The following TYW1 variants were observed in gnomAD, a reference collection of about 807,000 sequenced individuals.
TYW1 encodes the protein S-adenosyl-L-methionine-dependent tRNA 4-demethylwyosine synthase TYW1.
Under a neutral mutation model 96.2 loss-of-function variants are expected in TYW1, and 46 were observed. That is an observed-to-expected ratio of 0.48 (90% CI 0.38 to 0.61). The LOEUF (loss-of-function observed/expected upper bound fraction) is 0.61, where lower values mean the gene tolerates loss of function less well. Ranked by LOEUF, TYW1 falls within the 20% of genes least tolerant of loss-of-function variation. The pLI, the probability that TYW1 is intolerant of heterozygous loss-of-function variation, is 0.00. For missense variants in TYW1, 684 were observed against 909.6 expected (o/e 0.75, Z 3.19); for synonymous variants, 274 against 323.0 (o/e 0.85, Z 1.63).
At chr7:67,172,914 G>C (rs910811866) in intron 13 of TYW1, among the ~76,000 whole-genome samples, 6 of 151,460 alleles carry the variant, frequency 4.0e-5, no homozygotes, top group African/African-American at 1.2e-4. Flanking sequence ...GAGTCCAGGG[G>C]TTCAAGACCA....
At chr7:67,023,606 A>G (rs749946808) in intron 6 of TYW1, among the ~76,000 whole-genome samples, 11 of 152,074 alleles carry the variant, frequency 7.2e-5, no homozygotes, top group Non-Finnish European at 1.5e-4. Context: ...TGTCTCTACT[A>G]AAAATACAAA....
At chr7:67,145,342 G>A (rs1798576218) in intron 13 of TYW1, among the ~76,000 whole-genome samples, 1 of 151,638 alleles carries the variant, frequency 6.6e-6, no homozygotes, top group Non-Finnish European at 1.5e-5. Context: ...ATAGAGACGG[G>A]GTTTCACCGT....
intron 10 of TYW1, among the ~76,000 whole-genome samples, chr7:67,082,591 G>T (rs1160924478): frequency 6.6e-6 from 1 of 152,086 alleles, no homozygotes; most frequent in Non-Finnish European, 1.5e-5. Context: ...TGGGCAGAAT[G>T]GTCCTTGGGC....
At chr7:67,003,499 T>C (rs1793472374) in intron 3 of TYW1, among the ~76,000 whole-genome samples, 2 of 151,350 alleles carry the variant, frequency 1.3e-5, no homozygotes, top group South Asian at 2.1e-4. Context: ...GGGGATACAA[T>C]TGCCATAGTA....
At chr7:67,101,664 C>T (rs1797092627) in intron 12 of TYW1, among the ~76,000 whole-genome samples, 1 of 151,980 alleles carries the variant, frequency 6.6e-6, no homozygotes, top group Non-Finnish European at 1.5e-5. Context: ...TACAGGCGCA[C>T]ACCACCACAC....
rs1429481936 is a variant in TYW1, at chr7:67,093,036, A to G, written c.1385-5505A>G. On this transcript the variant is annotated intron_variant, in intron 11 of 15. Coordinates refer to ENST00000359626, the MANE Select transcript of TYW1 (RefSeq NM_018264.4). ...AAAAAAATTAGCCAAGTGTGGTGGC[A>G]TATGCCTGTGGTCCTAGCACCTGAG... 3.3e-5 allele frequency among the ~76,000 whole-genome samples: 5 copies of G among 152,238 alleles called. No homozygotes were observed. In the South Asian group the frequency reaches 8.3e-4, roughly 25 times the overall value.
intron 7 of TYW1, among the ~76,000 whole-genome samples, chr7:67,039,424 C>T (rs1794944986): frequency 2.0e-5 from 3 of 150,260 alleles, no homozygotes; most frequent in Admixed American, 1.3e-4. Flanking sequence ...CGCCACTGCA[C>T]TCCAGCCTGG....
chr7:67,136,207 C>T (rs1232943610), intron 13 of TYW1, among the ~76,000 whole-genome samples: 1 of 152,156 alleles, frequency 6.6e-6, no homozygotes, highest in Admixed American at 6.6e-5. Flanking sequence ...CTGTTTAGCC[C>T]CAAAGAGCTT....
At chr7:66,997,187 A>T (rs189002144) in intron 1 of TYW1, among the ~76,000 whole-genome samples, 24 of 152,198 alleles carry the variant, frequency 1.6e-4, no homozygotes, top group Non-Finnish European at 2.9e-4. Flanking sequence ...AGGGGGTTAG[A>T]CAGAAAACTA....
intron 12 of TYW1, among the ~76,000 whole-genome samples, chr7:67,102,194 T>A (rs1226040364): frequency 6.6e-6 from 1 of 152,254 alleles, no homozygotes; most frequent in Non-Finnish European, 1.5e-5. Flanking sequence ...TTTCATTGTT[T>A]GATCATGAAT....
At chr7:67,197,665 G>A (rs1032203763) in intron 15 of TYW1, among the ~76,000 whole-genome samples, 49 of 152,158 alleles carry the variant, frequency 3.2e-4, no homozygotes, top group African/African-American at 1.2e-3. Context: ...CACATCAAGG[G>A]GTTCAGTAAC....
chr7:67,012,639 G>T (rs1026700899), intron 4 of TYW1, among the ~76,000 whole-genome samples: 1 of 152,092 alleles, frequency 6.6e-6, no homozygotes, highest in Non-Finnish European at 1.5e-5. Flanking sequence ...TCCCTGAACC[G>T]CAAATTGGAA....
chr7:67,145,150 CTTTT>C (rs201330239), intron 13 of TYW1, among the ~76,000 whole-genome samples: 1 of 115,020 alleles, frequency 8.7e-6, no homozygotes, highest in Admixed American at 9.3e-5. Context: ...GTTTTAGTTT[CTTTT>C]TTTTTTTTTT....
At chr7:67,172,318 A>G (rs1000948115) in intron 13 of TYW1, among the ~76,000 whole-genome samples, 10 of 148,442 alleles carry the variant, frequency 6.7e-5, no homozygotes, top group African/African-American at 2.4e-4. Context: ...TCATTTTATA[A>G]GCAATAGTAC....
At chr7:67,220,052 G>A (rs193047592) in intron 15 of TYW1, among the ~76,000 whole-genome samples, 2,382 of 149,774 alleles carry the variant, frequency 0.016, 58 homozygotes, top group African/African-American at 0.055. Flanking sequence ...TGTCCCATAC[G>A]TTTTGATATG....
At chr7:67,153,939 T>A (rs144225519) in intron 13 of TYW1, among the ~76,000 whole-genome samples, 5 of 149,152 alleles carry the variant, frequency 3.4e-5, no homozygotes, top group South Asian at 2.1e-4. Context: ...TTTTTTTTTT[T>A]TTTTTTGAGA....
intron 10 of TYW1, among the ~76,000 whole-genome samples, chr7:67,076,661 A>G (rs1283481431): frequency 6.6e-6 from 1 of 151,634 alleles, no homozygotes; most frequent in Non-Finnish European, 1.5e-5. Context: ...TTTTTAGTAG[A>G]GGTGGAGTTT....
intron 7 of TYW1, among the ~76,000 whole-genome samples, chr7:67,033,840 G>T (rs1425727062): frequency 6.6e-6 from 1 of 151,524 alleles, no homozygotes; most frequent in Non-Finnish European, 1.5e-5. Context: ...GATTACAGGC[G>T]CCTGCAACCA....
intron 7 of TYW1, among the ~76,000 whole-genome samples, chr7:67,025,394 C>T (rs1169588795): frequency 1.3e-5 from 2 of 151,666 alleles, no homozygotes; most frequent in Admixed American, 6.6e-5. Flanking sequence ...AAATAAATCT[C>T]ATAATGTTTT....
Sources: gnomAD v4.1 joint callset for allele counts (sites outside exome capture counted in the v4.1 genomes callset) on GRCh38, gnomAD v4.1.1 for gene constraint, MANE v1.5 for transcripts, NCBI Gene and HGNC (gene_info 2026-07-23, HGNC 2026-07-21) for gene names.